PTPN18: variants seen among roughly 807,000 people sequenced by gnomAD.
PTPN18 encodes protein tyrosine phosphatase non-receptor type 18.
In PTPN18, 65 loss-of-function variants were observed where a neutral mutation model predicts 65.4. The ratio of observed to expected loss-of-function variants is 0.99; its 90% CI spans 0.81 to 1.22. The LOEUF (loss-of-function observed/expected upper bound fraction) is 1.22. Among genes scored for constraint, PTPN18 ranks in the 50% most tolerant of loss-of-function variants. The pLI is 0.00. For synonymous variants in PTPN18, 255 were observed against 267.8 expected, an observed-to-expected ratio of 0.95 and a Z score of 0.47; for missense variants, 616 against 646.5, an observed-to-expected ratio of 0.95 and a Z score of 0.51.
chr2:130,362,235 G>A, intron 5 of PTPN18: 1 of 459,538 alleles, frequency 2.2e-6, no homozygotes, highest in Non-Finnish European at 4.5e-6. Flanking sequence ...CTCCCAAAGT[G>A]CTAAGATTAC....
At chr2:130,359,051 G>A (rs778532055) in intron 2 of PTPN18, 76 bp downstream of exon 2, 24 of 1,507,382 alleles carry the variant, frequency 1.6e-5, no homozygotes, top group Non-Finnish European at 2.0e-5. Flanking sequence ...GTGCACTGGA[G>A]TCACCCACTG....
In PTPN18 at chr2:130,369,768, A is replaced by T; in HGVS notation, c.487A>T (p.Lys163Ter). ...TTGCCCCACCCCCCTTACTCAGATA[A>T]AGGAGAAGTGGCTGAATGAGGACAT... Reference protein sequence around the residue: ...QTGLFCITLIKEKWLNEDIML... With the variant: ...QTGLFCITLI The change falls in exon 7 of 15, where the codon AAG becomes TAG. Residue 163 changes from lysine (K) to a stop codon, truncating the protein, a stop_gained. Transcript: ENST00000175756. LOFTEE classifies it high-confidence loss of function. The T allele has an allele frequency of 6.3e-7, 1 of 1,594,370 alleles. No homozygotes were observed. The highest frequency in any genetic ancestry group is 8.6e-7 in the Non-Finnish European group (1 of 1,162,356).
At chr2:130,368,130 T>C (rs1479039269) in intron 5 of PTPN18, among the ~76,000 whole-genome samples, 1 of 152,204 alleles carries the variant, frequency 6.6e-6, no homozygotes, top group East Asian at 1.9e-4. Context: ...CATGTTTTCC[T>C]TTTCATCTTT....
chr2:130,372,010 A>C, intron 12 of PTPN18: 1 of 484,910 alleles, frequency 2.1e-6, no homozygotes, highest in South Asian at 2.8e-5. Context: ...CACAGAAATG[A>C]CCACCCCTCA....
Position 130,370,628 on chromosome 2 carries a change from G to A in PTPN18, c.756+5G>A, listed in dbSNP as rs1533567. On this transcript the variant is annotated splice_donor_5th_base_variant and intron_variant, in intron 9 of 14. Transcript: ENST00000175756. ...AGGCAGCTGCTCCTGACCCAGGTAC[G>A]ATACAGGCATCCTGTGTGTGCAGTG... is the stretch of plus-strand genomic sequence containing the variant. 36,851 of 1,613,920 alleles carry A rather than the reference G, an allele frequency of 0.023. 7,114 individuals carry two copies. The African/African-American group carries it at 0.43, about 19-fold the overall frequency.
intron 5 of PTPN18, among the ~76,000 whole-genome samples, chr2:130,361,811 C>T (rs1019728139): frequency 7.2e-5 from 11 of 152,176 alleles, no homozygotes; most frequent in Admixed American, 1.3e-4. Flanking sequence ...TGGTCTCAAA[C>T]TCCTGCCCTC....
Position 130,356,221 on chromosome 2 carries a change from G to A in PTPN18, c.93+21G>A, listed in dbSNP as rs748246942. 3.7e-4 allele frequency: 479 copies of A among 1,309,044 alleles called. 7 individuals carry two copies. In the East Asian group the frequency reaches 0.015, roughly 41 times the overall value. The allele number at this position is 1,309,044 out of a possible 1,614,324, so 81.1% of individuals were successfully genotyped here. A position where few individuals can be genotyped will look rare whatever the true frequency, so the allele number is the denominator to read the frequency against. The stretch of plus-strand genomic sequence containing the variant: ...TCAGCGTGAGTGGCACACGGGGTCC[G>A]CGAGCGGCGCGCCCCGGCCCTGGCC... On this transcript the variant is annotated intron_variant, in intron 1 of 14. Transcript: ENST00000175756.
chr2:130,365,671 T>G (rs1253796723), intron 5 of PTPN18, among the ~76,000 whole-genome samples: 1 of 152,266 alleles, frequency 6.6e-6, no homozygotes, highest in Non-Finnish European at 1.5e-5. Context: ...CTTACTCCTG[T>G]TCTTCCTTCT....
chr2:130,372,615 T>C (rs986948366), intron 13 of PTPN18, 132 bp downstream of exon 13: 1 of 1,200,310 alleles, frequency 8.3e-7, no homozygotes, highest in Non-Finnish European at 1.1e-6. Context: ...GCCCCGACGC[T>C]GATGTCCAGG....
intron 5 of PTPN18, among the ~76,000 whole-genome samples, chr2:130,368,404 G>A (rs111845120): frequency 1.5e-4 from 23 of 152,254 alleles, no homozygotes; most frequent in Middle Eastern, 3.4e-3. Context: ...TAATTTAGCC[G>A]TACTTCTAAT....
At chr2:130,362,101 T>C (rs1378373864) in intron 5 of PTPN18, 1 of 469,770 alleles carries the variant, frequency 2.1e-6, no homozygotes, top group African/African-American at 2.0e-5. Context: ...CCTGAGGAGT[T>C]GGGACTACAG....
Position 130,374,424 on chromosome 2 carries a change from T to C in PTPN18, c.*1200T>C. 1 of 302,590 alleles carries C rather than the reference T, an allele frequency of 3.3e-6. No homozygotes were observed. Among genetic ancestry groups the C allele is most frequent in the Non-Finnish European group, 6.7e-6 (1 of 149,198 alleles). 18.7% of individuals were successfully genotyped at this position (302,590 alleles called of 1,614,324 possible). A position where few individuals can be genotyped will look rare whatever the true frequency, so the allele number is the denominator to read the frequency against. ...CTCAAGCAATCCTCCTGCCTCAGCCTCCCAAAGTGCTGAGATTACAGGTGT... is the reference window on the plus strand; with the variant it reads ...CTCAAGCAATCCTCCTGCCTCAGCCCCCCAAAGTGCTGAGATTACAGGTGT... On this transcript the variant is annotated 3_prime_UTR_variant, in exon 15 of 15. Coordinates refer to ENST00000175756, the MANE Select transcript of PTPN18 (RefSeq NM_014369.4).
intron 5 of PTPN18, among the ~76,000 whole-genome samples, chr2:130,364,132 C>T (rs765513926): frequency 9.9e-5 from 15 of 152,124 alleles, no homozygotes; most frequent in Admixed American, 2.6e-4. Flanking sequence ...GAATTAAGTA[C>T]ATTCACAATG....
chr2:130,374,691 T>C lies in PTPN18; in HGVS notation c.*1467T>C, dbSNP rs1331594029. The C allele has an allele frequency of 2.1e-6, 1 of 471,190 alleles. No homozygotes were observed. The highest frequency in any genetic ancestry group is 2.0e-5 in the African/African-American group (1 of 50,080). 29.2% of individuals were successfully genotyped at this position (471,190 alleles called of 1,614,324 possible). The stretch of plus-strand genomic sequence containing the variant: ...GTCTCTGGACCTCTGACTGACACTG[T>C]GCCTGCCCAGGTCCCTGTATGCACT... On this transcript the variant is annotated 3_prime_UTR_variant, in exon 15 of 15. Transcript: ENST00000175756.
In PTPN18 at chr2:130,358,865, A is replaced by AT; in HGVS notation, c.94-2_94-1insT. 1 of 1,610,136 alleles carries AT rather than the reference A, an allele frequency of 6.2e-7. No individual in the cohort carries two copies. The highest frequency in any genetic ancestry group is 8.5e-7 in the Non-Finnish European group (1 of 1,177,056). On this transcript the variant is annotated splice_acceptor_variant, in intron 1 of 14. Transcript: ENST00000175756. LOFTEE classifies it high-confidence loss of function. ...CCTGACCCACTCATAATGCTCTACC[A>AT]GGACATCCAGGCCTGCTCGGCCGCC...
chr2:130,359,249 A>G lies in PTPN18; in HGVS notation c.219A>G (p.Val73=), dbSNP rs747508028. 1 of 1,613,998 alleles carries G rather than the reference A, an allele frequency of 6.2e-7. No individual in the cohort carries two copies. Among genetic ancestry groups the G allele is most frequent in the African/African-American group, 1.3e-5 (1 of 74,936 alleles). The part of the protein sequence containing the change: ...KDVLPYDQTR[V]ILSLLQEEGH... ...TGCTGACAGATGATCAGACGCGAGT[A>G]ATCCTCTCCCTGCTCCAGGAAGAGG... is the stretch of plus-strand genomic sequence containing the variant. The change falls in exon 3 of 15, where the codon GTA becomes GTG. Residue 73 remains valine, a synonymous_variant. Transcript: ENST00000175756.
rs368532299 is a variant in PTPN18, at chr2:130,370,801, A to G, written c.834+19A>G. The G allele has an allele frequency of 1.9e-5, 31 of 1,613,070 alleles. No individual in the cohort carries two copies. The East Asian group carries it at 5.8e-4, about 30-fold the overall frequency. On this transcript the variant is annotated intron_variant, in intron 10 of 14. Transcript: ENST00000175756. The stretch of plus-strand genomic sequence containing the variant: ...GACAGAGGTGAACCCTGGGTCTCCT[A>G]ATCTTCAGGGACAGTGGCCCACTGC...
intron 5 of PTPN18, among the ~76,000 whole-genome samples, chr2:130,363,619 T>TTTTTGTTTTG (rs966433473): frequency 6.6e-6 from 1 of 152,178 alleles, no homozygotes; most frequent in Non-Finnish European, 1.5e-5. Flanking sequence ...TTGCTTAGCA[T>TTTTTGTTTTG]TTTTGTTTTG....
rs563902658 is a variant in PTPN18, at chr2:130,365,044, A to G, written c.415-4089A>G. ...TCTGCATTGTTAAGACTATCTTGTCATTGTGTAAACATCATAGAGTATACT... is the reference window on the plus strand; with the variant it reads ...TCTGCATTGTTAAGACTATCTTGTCGTTGTGTAAACATCATAGAGTATACT... On this transcript the variant is annotated intron_variant, in intron 5 of 14. Coordinates refer to ENST00000175756, the MANE Select transcript of PTPN18 (RefSeq NM_014369.4). 1.2e-3 allele frequency among the ~76,000 whole-genome samples: 184 copies of G among 152,350 alleles called. 2 individuals carry two copies. Among genetic ancestry groups the G allele is most frequent in the Middle Eastern group, 0.01 (3 of 294 alleles).
Sources: gnomAD v4.1 joint callset for allele counts (sites outside exome capture counted in the v4.1 genomes callset) on GRCh38, gnomAD v4.1.1 for gene constraint, MANE v1.5 for transcripts, NCBI Gene and HGNC (gene_info 2026-07-23, HGNC 2026-07-21) for gene names.